The following MOSMO variants were observed in gnomAD, a reference collection of about 807,000 sequenced individuals.
The protein encoded by MOSMO is modulator of smoothened, also known as modulator of smoothened protein.
In MOSMO, 5 loss-of-function variants were observed where a neutral mutation model predicts 18.4. The observed-to-expected ratio is 0.27, with a 90% CI of 0.14 to 0.57. MOSMO has a LOEUF of 0.57. Among genes scored for constraint, MOSMO ranks in the 20% least tolerant of loss-of-function variants. The pLI is 0.92. For missense variants in MOSMO, 138 were observed against 211.8 expected (o/e 0.65, Z 2.16); for synonymous variants, 82 against 82.3 (o/e 1.00, Z 0.02).
intron 1 of MOSMO, among the ~76,000 whole-genome samples, chr16:22,067,453 G>A (rs773504672): frequency 1.3e-5 from 2 of 152,190 alleles, no homozygotes; most frequent in Admixed American, 6.5e-5. Context: ...CTTGAAGGGA[G>A]CAGGAAAACA....
chr16:22,011,185 G>A (rs753900880), intron 1 of MOSMO, among the ~76,000 whole-genome samples: 5 of 152,132 alleles, frequency 3.3e-5, no homozygotes, highest in Non-Finnish European at 7.3e-5. Context: ...CATACAGTGT[G>A]ATAACCTATC....
At chr16:22,042,623 G>A (rs987446770) in intron 1 of MOSMO, among the ~76,000 whole-genome samples, 3 of 152,150 alleles carry the variant, frequency 2.0e-5, no homozygotes, top group African/African-American at 7.2e-5. Context: ...TCTAAGACCA[G>A]CCCTGTTGGA....
chr16:22,020,372 G>A (rs1361489547), intron 1 of MOSMO, among the ~76,000 whole-genome samples: 5 of 134,450 alleles, frequency 3.7e-5, no homozygotes, highest in Admixed American at 8.1e-5. Flanking sequence ...TCGGATCACT[G>A]CAACCTCCGC....
chr16:22,036,286 C>T (rs1417729859), intron 1 of MOSMO, among the ~76,000 whole-genome samples: 3 of 152,018 alleles, frequency 2.0e-5, no homozygotes, highest in Non-Finnish European at 4.4e-5. Flanking sequence ...ACCACCATGC[C>T]TGGCTAATTT....
At chr16:22,036,074 C>T (rs114709947) in intron 1 of MOSMO, among the ~76,000 whole-genome samples, 70 of 152,132 alleles carry the variant, frequency 4.6e-4, no homozygotes, top group Middle Eastern at 3.4e-3. Context: ...CAGTACATGT[C>T]GAATAGAATT....
intron 1 of MOSMO, among the ~76,000 whole-genome samples, chr16:22,056,553 TA>T (rs1323058763): frequency 1.0e-4 from 15 of 146,672 alleles, no homozygotes; most frequent in Non-Finnish European, 1.6e-4. Context: ...TATATATATA[TA>T]TTTTTTTTTG....
intron 1 of MOSMO, among the ~76,000 whole-genome samples, chr16:22,024,457 A>G (rs1164771109): frequency 6.6e-6 from 1 of 151,274 alleles, no homozygotes; most frequent in Non-Finnish European, 1.5e-5. Flanking sequence ...CTCCACCTCC[A>G]GGGTTCAAGT....
At chr16:22,090,779 G>C (rs549594937), downstream of MOSMO, among the ~76,000 whole-genome samples, 1 of 152,124 alleles carries the variant, frequency 6.6e-6, no homozygotes, top group African/African-American at 2.4e-5. Flanking sequence ...TCTGCATCCC[G>C]AAGGGAGCCA....
chr16:22,039,588 T>C (rs979352998), intron 1 of MOSMO, among the ~76,000 whole-genome samples: 7 of 152,178 alleles, frequency 4.6e-5, no homozygotes, highest in African/African-American at 1.7e-4. Flanking sequence ...TCCTAGCACT[T>C]TGGGGGGCCA....
intron 1 of MOSMO, among the ~76,000 whole-genome samples, chr16:22,043,869 A>G (rs1900256150): frequency 6.6e-6 from 1 of 152,218 alleles, no homozygotes; most frequent in African/African-American, 2.4e-5. Context: ...GCTGATAAAG[A>G]CATACCCAAG....
chr16:22,082,525 T>G lies in MOSMO; in HGVS notation c.*1645T>G, dbSNP rs1489851440. ...GTCCCTGTCATTTATAGTGAACTGA[T>G]GACCCAAATGACTCCCTGTCAGTAG... On this transcript the variant is annotated 3_prime_UTR_variant, in exon 3 of 3. Transcript: ENST00000542527. 6.6e-6 allele frequency: 1 copy of G among 152,162 alleles called. No homozygotes were observed. Among genetic ancestry groups the G allele is most frequent in the East Asian group, 1.9e-4 (1 of 5,186 alleles). 9.4% of individuals were successfully genotyped at this position (152,162 alleles called of 1,614,324 possible).
At chr16:22,089,014 AAAGT>A (rs897127025), downstream of MOSMO, among the ~76,000 whole-genome samples, 2 of 152,062 alleles carry the variant, frequency 1.3e-5, no homozygotes, top group African/African-American at 4.8e-5. Flanking sequence ...AAAAAAAAAA[AAAGT>A]AAGAAAAACC....
rs1274761472 is a variant in MOSMO at position 22,008,497 on chromosome 16, A to C, written c.106+90A>C. On this transcript the variant is annotated intron_variant, in intron 1 of 2. Coordinates refer to ENST00000542527, the MANE Select transcript of MOSMO (RefSeq NM_001164579.2). ...CCGGACTGAGGAGAGGACGGGGTGG[A>C]GGGTCCCGGCCGGAGGCTAGCCTGA... 9.7e-6 allele frequency: 8 copies of C among 822,176 alleles called. No homozygotes were observed. The East Asian group carries it at 3.4e-4, about 35-fold the overall frequency. 50.9% of individuals were successfully genotyped at this position (822,176 alleles called of 1,614,324 possible).
intron 1 of MOSMO, among the ~76,000 whole-genome samples, chr16:22,062,300 C>T (rs1301555448): frequency 1.3e-5 from 2 of 151,754 alleles, no homozygotes; most frequent in Admixed American, 1.3e-4. Flanking sequence ...CTATGTTTCT[C>T]TTATTTCTTT....
At chr16:22,042,781 A>C (rs1308747408) in intron 1 of MOSMO, among the ~76,000 whole-genome samples, 2 of 152,252 alleles carry the variant, frequency 1.3e-5, no homozygotes, top group East Asian at 3.8e-4. Flanking sequence ...GAGTCCGTTC[A>C]GATGAAGAGG....
At chr16:22,059,077 G>T (rs972010579) in intron 1 of MOSMO, among the ~76,000 whole-genome samples, 2 of 151,988 alleles carry the variant, frequency 1.3e-5, no homozygotes, top group Admixed American at 6.6e-5. Flanking sequence ...TCTCTCTCTC[G>T]CCAGATATAT....
At chr16:22,022,326 C>A (rs946626741) in intron 1 of MOSMO, among the ~76,000 whole-genome samples, 4 of 152,084 alleles carry the variant, frequency 2.6e-5, no homozygotes, top group African/African-American at 9.7e-5. Flanking sequence ...CAGGCCCTGC[C>A]GGTATCACTT....
At chr16:22,044,430 A>C (rs1021898123) in intron 1 of MOSMO, among the ~76,000 whole-genome samples, 1 of 152,202 alleles carries the variant, frequency 6.6e-6, no homozygotes, top group African/African-American at 2.4e-5. Context: ...GAATCCTGTG[A>C]AGTGGGTACA....
At chr16:22,051,372 C>G (rs1434229107) in intron 1 of MOSMO, among the ~76,000 whole-genome samples, 1 of 149,722 alleles carries the variant, frequency 6.7e-6, no homozygotes, top group Non-Finnish European at 1.5e-5. Context: ...GGCGACAGAG[C>G]AAGACTCCAT....
Sources: gnomAD v4.1 joint callset for allele counts (sites outside exome capture counted in the v4.1 genomes callset) on GRCh38, gnomAD v4.1.1 for gene constraint, MANE v1.5 for transcripts, NCBI Gene and HGNC (gene_info 2026-07-23, HGNC 2026-07-21) for gene names.